Variants in CRHR1 observed in about 807,000 individuals in gnomAD.
CRHR1 encodes the protein corticotropin releasing hormone receptor 1.
CRHR1 carries 28 observed loss-of-function variants against 56.0 expected under a neutral mutation model. The observed-to-expected ratio is 0.50, with a 90% CI of 0.37 to 0.69. CRHR1 has a LOEUF of 0.69. Among genes scored for constraint, CRHR1 ranks in the 30% least tolerant of loss-of-function variants. The pLI, the probability that CRHR1 is intolerant of heterozygous loss-of-function variation, is 0.00. For synonymous variants in CRHR1, 195 were observed against 216.5 expected (o/e 0.90, Z 0.87); for missense variants, 376 against 548.0 (o/e 0.69, Z 3.13).
At chr17:45,808,088 T>C (rs571625182) in intron 2 of CRHR1, among the ~76,000 whole-genome samples, 1 of 152,286 alleles carries the variant, frequency 6.6e-6, no homozygotes, top group South Asian at 2.1e-4. Context: ...ACACCAACTC[T>C]TTCATGAAGC....
intron 5 of CRHR1, chr17:45,829,599 C>T: frequency 1.9e-6 from 3 of 1,550,926 alleles, no homozygotes; most frequent in Non-Finnish European, 2.6e-6. Flanking sequence ...GCAGATGGAG[C>T]CCTGGAGGTG....
chr17:45,803,666 G>A (rs569626716), intron 1 of CRHR1, among the ~76,000 whole-genome samples: 8 of 152,342 alleles, frequency 5.3e-5, no homozygotes, highest in Admixed American at 2.0e-4. Context: ...GATTACAGGC[G>A]TGAGCCACTG....
At chr17:45,804,436 A>G (rs1028564298) in intron 1 of CRHR1, among the ~76,000 whole-genome samples, 7 of 151,640 alleles carry the variant, frequency 4.6e-5, no homozygotes, top group African/African-American at 1.7e-4. Context: ...AGGAGTGGGC[A>G]CTCTTCCCCT....
intron 1 of CRHR1, chr17:45,799,353 A>C (rs1393392782): frequency 6.6e-6 from 1 of 152,256 alleles, no homozygotes; most frequent in African/African-American, 2.4e-5. Context: ...ACGTTTCTGA[A>C]GAGTTGATTG....
intron 1 of CRHR1, among the ~76,000 whole-genome samples, chr17:45,788,695 C>A (rs907546112): frequency 6.6e-6 from 1 of 152,242 alleles, no homozygotes; most frequent in Non-Finnish European, 1.5e-5. Flanking sequence ...TAAGTTAATG[C>A]AGGAACAGCA....
intron 1 of CRHR1, 53 bp from the exon 2 acceptor site, chr17:45,806,957 G>A (rs2146307853): frequency 2.0e-6 from 3 of 1,531,246 alleles, no homozygotes; most frequent in Non-Finnish European, 2.7e-6. Context: ...GGAGCAACAT[G>A]CTCATGGCTC....
In CRHR1 at chr17:45,828,404, C is replaced by T. The variant is rs548532758; in HGVS notation, c.328-811C>T. Among the ~76,000 whole-genome samples, 106 of 152,350 alleles carry T rather than the reference C, an allele frequency of 7.0e-4. 1 individual carries two copies. Among genetic ancestry groups the T allele is most frequent in the Non-Finnish European group, 1.2e-3 (82 of 68,034 alleles). ...CCAGATGCCTTTCCGGCTCCCCCCA[C>T]GGGGTTGCCCTGATGGTTTAAGACG... On this transcript the variant is annotated intron_variant, in intron 4 of 12. Coordinates refer to ENST00000314537, the MANE Select transcript of CRHR1 (RefSeq NM_004382.5).
At chr17:45,818,769 A>C (rs2061978930) in intron 3 of CRHR1, among the ~76,000 whole-genome samples, 1 of 152,188 alleles carries the variant, frequency 6.6e-6, no homozygotes, top group African/African-American at 2.4e-5. Flanking sequence ...TTTACTGATG[A>C]GTTGCTGCCA....
At chr17:45,793,749 C>A (rs1056048959) in intron 1 of CRHR1, among the ~76,000 whole-genome samples, 2 of 152,226 alleles carry the variant, frequency 1.3e-5, no homozygotes, top group Non-Finnish European at 2.9e-5. Context: ...GGAAGGACCA[C>A]TGTCCCTAAA....
intron 1 of CRHR1, among the ~76,000 whole-genome samples, 197 bp from the exon 2 acceptor site, chr17:45,806,813 C>A (rs1347935132): frequency 1.3e-5 from 2 of 152,082 alleles, no homozygotes; most frequent in Non-Finnish European, 2.9e-5. Flanking sequence ...AACTCCAGAC[C>A]CTCCAGGCAG....
chr17:45,814,761 C>A (rs1417413554), intron 2 of CRHR1, among the ~76,000 whole-genome samples: 6 of 152,250 alleles, frequency 3.9e-5, no homozygotes. Flanking sequence ...ACTGCCACTC[C>A]GTGATAACAT....
chr17:45,794,794 ACCC>A (rs1160737915), intron 1 of CRHR1, among the ~76,000 whole-genome samples: 1 of 152,004 alleles, frequency 6.6e-6, no homozygotes, highest in African/African-American at 2.4e-5. Flanking sequence ...ATGCTGTTCT[ACCC>A]CTTGTCCCCG....
chr17:45,827,005 C>A (rs117227244), intron 4 of CRHR1: 1,983 of 152,300 alleles, frequency 0.013, 22 homozygotes, highest in Non-Finnish European at 0.02. Context: ...AAAGAAATGT[C>A]CCTGGGAAAC....
chr17:45,819,435 C>A (rs1386289871), intron 3 of CRHR1, among the ~76,000 whole-genome samples: 1 of 152,062 alleles, frequency 6.6e-6, no homozygotes, highest in East Asian at 1.9e-4. Context: ...AACTCAAGAA[C>A]CACCCCACCC....
At chr17:45,788,184 G>T (rs959174451) in intron 1 of CRHR1, among the ~76,000 whole-genome samples, 1 of 152,214 alleles carries the variant, frequency 6.6e-6, no homozygotes, top group African/African-American at 2.4e-5. Context: ...TTAGGTGCCG[G>T]GCTGATAATT....
chr17:45,823,403 CT>C lies in CRHR1; in HGVS notation c.327+1986del, dbSNP rs71138512. Among the ~76,000 whole-genome samples the C allele has an allele frequency of 4.0e-3, 399 of 100,610 alleles. 1 individual carries two copies. Among genetic ancestry groups the C allele is most frequent in the African/African-American group, 0.012 (314 of 25,636 alleles). 66.0% of individuals were successfully genotyped at this position (100,610 alleles called of 152,430 possible). The stretch of plus-strand genomic sequence containing the variant: ...AGGTCACGTGGCTCTGGGACATTCC[CT>C]TTTTTTTTTTTTTTTTTTTTTTGAG... On this transcript the variant is annotated intron_variant, in intron 4 of 12. Transcript: ENST00000314537.
At chr17:45,815,687 C>G (rs2061912857) in intron 2 of CRHR1, among the ~76,000 whole-genome samples, 1 of 152,190 alleles carries the variant, frequency 6.6e-6, no homozygotes, top group African/African-American at 2.4e-5. Context: ...TAGATGAAGA[C>G]AAGACACTAA....
intron 1 of CRHR1, among the ~76,000 whole-genome samples, chr17:45,797,125 G>A (rs534819763): frequency 6.6e-6 from 1 of 152,296 alleles, no homozygotes; most frequent in Non-Finnish European, 1.5e-5. Flanking sequence ...TGGAAAGTGG[G>A]GTACATGCCC....
chr17:45,793,258 G>C (rs910539454), intron 1 of CRHR1, among the ~76,000 whole-genome samples: 10 of 152,284 alleles, frequency 6.6e-5, no homozygotes. Context: ...CGTTGTCCAC[G>C]TGCACGCAAG....
Sources: gnomAD v4.1 joint callset for allele counts (sites outside exome capture counted in the v4.1 genomes callset) on GRCh38, gnomAD v4.1.1 for gene constraint, MANE v1.5 for transcripts, NCBI Gene and HGNC (gene_info 2026-07-23, HGNC 2026-07-21) for gene names.